MAML3: variants seen among roughly 807,000 people sequenced by gnomAD.
MAML3 encodes the protein mastermind like transcriptional coactivator 3.
MAML3 carries 27 observed loss-of-function variants against 101.9 expected under a neutral mutation model. The observed-to-expected ratio is 0.27, with a 90% CI of 0.20 to 0.37. The LOEUF is 0.37. MAML3 is among the 10% of genes least tolerant of loss of function. The pLI, the probability that MAML3 is intolerant of heterozygous loss-of-function variation, is 1.00. For missense variants in MAML3, 1,316 were observed against 1,444.9 expected (o/e 0.91, Z 1.45); for synonymous variants, 501 against 555.9 (o/e 0.90, Z 1.39).
At chr4:139,774,665 G>A (rs1034607265) in intron 2 of MAML3, among the ~76,000 whole-genome samples, 2 of 152,066 alleles carry the variant, frequency 1.3e-5, no homozygotes, top group Non-Finnish European at 2.9e-5. Context: ...ATTGACGGAG[G>A]GGAGGATGGC....
At chr4:140,119,652 C>T (rs1418321537) in intron 1 of MAML3, among the ~76,000 whole-genome samples, 1 of 102,662 alleles carries the variant, frequency 9.7e-6, no homozygotes, top group Non-Finnish European at 1.8e-5. Flanking sequence ...TGAGGTCTTG[C>T]TCTTTCACCC....
intron 2 of MAML3, among the ~76,000 whole-genome samples, chr4:139,840,488 C>G (rs1731341848): frequency 6.6e-6 from 1 of 152,196 alleles, no homozygotes; most frequent in South Asian, 2.1e-4. Flanking sequence ...ATCACCCAGA[C>G]AGAAGCCCCG....
Position 140,153,485 on chromosome 4 carries a change from G to C in MAML3, c.-158C>G. 6.2e-6 allele frequency: 5 copies of C among 811,000 alleles called. No homozygotes were observed. Among genetic ancestry groups the C allele is most frequent in the Non-Finnish European group, 8.9e-6 (5 of 560,854 alleles). The allele number at this position is 811,000 out of a possible 1,614,324, so 50.2% of individuals were successfully genotyped here. A position where few individuals can be genotyped will look rare whatever the true frequency, so the allele number is the denominator to read the frequency against. On this transcript the variant is annotated 5_prime_UTR_variant, in exon 1 of 5. Coordinates refer to ENST00000509479, the MANE Select transcript of MAML3 (RefSeq NM_018717.5). ...GATCCCGACGGGGCGAAAAAAACGG[G>C]GGGGGAGATTTTGGGGTGGTTTTTG...
intron 1 of MAML3, among the ~76,000 whole-genome samples, chr4:140,056,191 G>C (rs1727345693): frequency 6.6e-6 from 1 of 152,082 alleles, no homozygotes; most frequent in Non-Finnish European, 1.5e-5. Flanking sequence ...TGCTGCAGGG[G>C]GAATTCCCTT....
At chr4:140,148,054 T>C (rs1252742653) in intron 1 of MAML3, among the ~76,000 whole-genome samples, 2 of 152,200 alleles carry the variant, frequency 1.3e-5, no homozygotes, top group African/African-American at 4.8e-5. Context: ...AATAACTCCA[T>C]ATAACTCTAT....
At chr4:140,139,130 G>A (rs183632199) in intron 1 of MAML3, among the ~76,000 whole-genome samples, 156 of 152,048 alleles carry the variant, frequency 1.0e-3, no homozygotes, top group African/African-American at 3.7e-3. Context: ...AAAATTAGCC[G>A]GGCATGGTGG....
At chr4:139,815,230 G>C (rs935306620) in intron 2 of MAML3, among the ~76,000 whole-genome samples, 1 of 152,186 alleles carries the variant, frequency 6.6e-6, no homozygotes, top group African/African-American at 2.4e-5. Flanking sequence ...TCAGGAATAA[G>C]GGAAGGTAAG....
intron 1 of MAML3, among the ~76,000 whole-genome samples, chr4:140,083,360 A>C (rs1227343088): frequency 6.6e-6 from 1 of 152,244 alleles, no homozygotes; most frequent in African/African-American, 2.4e-5. Flanking sequence ...GCTGCTCTGC[A>C]AATGATTTCT....
chr4:139,949,165 G>A (rs1056257211), intron 1 of MAML3, among the ~76,000 whole-genome samples: 3 of 152,028 alleles, frequency 2.0e-5, no homozygotes, highest in East Asian at 1.9e-4. Flanking sequence ...ACAGGCACGC[G>A]GCACGACACC....
chr4:139,986,799 T>C lies in MAML3; in HGVS notation c.469-95832A>G, dbSNP rs995119736. 3.3e-5 allele frequency among the ~76,000 whole-genome samples: 5 copies of C among 152,096 alleles called. No homozygotes were observed. The East Asian group carries it at 9.6e-4, about 29-fold the overall frequency. ...CGCAGGAAACACAGTAAATACACAG[T>C]AAATTGTACACACAAAGCAGCCATC... On this transcript the variant is annotated intron_variant, in intron 1 of 4. Coordinates refer to ENST00000509479, the MANE Select transcript of MAML3 (RefSeq NM_018717.5).
At position 139,719,373 on chromosome 4, in the gene MAML3, G is replaced by A. The variant is rs61743025; in HGVS notation, c.3367C>T (p.Pro1123Ser). 3.5e-3 allele frequency: 5,590 copies of A among 1,611,470 alleles called. 14 individuals carry two copies. The highest frequency in any genetic ancestry group is 4.3e-3 in the Non-Finnish European group (5,060 of 1,178,268). The change falls in exon 5 of 5, where the codon CCA becomes TCA. Residue 1123 changes from proline (P) to serine (S), a missense_variant. Physicochemically the swap from Pro to Ser is moderately conservative, Grantham distance 74. Transcript: ENST00000509479. ...DLVDSIIKGG[P>S]GDEWMQELDE... ...AGCTCCTGCATCCACTCGTCCCCTG[G>A]CCCGCCTTTGATGATGGAGTCCACA...
At chr4:139,966,683 A>G (rs1734136775) in intron 1 of MAML3, among the ~76,000 whole-genome samples, 1 of 152,240 alleles carries the variant, frequency 6.6e-6, no homozygotes. Context: ...GTGATCAGTT[A>G]CAGAGCAAAA....
intron 1 of MAML3, among the ~76,000 whole-genome samples, chr4:140,076,172 A>G (rs1377398545): frequency 6.6e-6 from 1 of 151,346 alleles, no homozygotes. Context: ...TGGCCCATTT[A>G]TATATATATA....
chr4:139,987,937 G>C (rs1418253706), intron 1 of MAML3, among the ~76,000 whole-genome samples: 1 of 137,740 alleles, frequency 7.3e-6, no homozygotes, highest in South Asian at 2.3e-4. Context: ...CAGGAGAATC[G>C]CTTGAACTCA....
chr4:140,000,055 A>G (rs754763118), intron 1 of MAML3, among the ~76,000 whole-genome samples: 33 of 152,214 alleles, frequency 2.2e-4, no homozygotes, highest in African/African-American at 4.8e-4. Flanking sequence ...AAAACATCCA[A>G]TTATAACTAA....
intron 2 of MAML3, chr4:139,740,203 CTG>C (rs1284201663): frequency 6.6e-6 from 1 of 152,280 alleles, no homozygotes; most frequent in Non-Finnish European, 1.5e-5. Context: ...TGGCTTTTCT[CTG>C]TCTTAGGCTT....
rs752238688 is a variant in MAML3, at chr4:139,719,987, C to T, written c.2753G>A (p.Ser918Asn). The change falls in exon 5 of 5, where the codon AGC becomes AAC. Residue 918 changes from serine to asparagine, a missense_variant. Transcript: ENST00000509479. ...GVGMVSGFGQ[S>N]MLVNSAITQQ... ...GGTAATGGCTGAGTTCACCAGCATG[C>T]TCTGACCAAAGCCACTCACCATTCC... 20 of 1,613,968 alleles carry T rather than the reference C, an allele frequency of 1.2e-5. No individual in the cohort carries two copies. Among genetic ancestry groups the T allele is most frequent in the Non-Finnish European group, 1.5e-5 (18 of 1,179,914 alleles).
At chr4:140,091,205 C>T (rs1434075137) in intron 1 of MAML3, among the ~76,000 whole-genome samples, 1 of 152,144 alleles carries the variant, frequency 6.6e-6, no homozygotes, top group East Asian at 1.9e-4. Flanking sequence ...CACTATTTTA[C>T]ACAATCAGGT....
At position 139,723,327 on chromosome 4, in the gene MAML3, T is replaced by G. The variant is rs1490020086; in HGVS notation, c.2416+2424A>C. ...TCTGGTTTTTTTTGTTTCTTTTTTC[T>G]GGGACACAGTTTTGCTCTTGTTGCC... is the stretch of plus-strand genomic sequence containing the variant. On this transcript the variant is annotated intron_variant, in intron 4 of 4. Coordinates refer to ENST00000509479, the MANE Select transcript of MAML3 (RefSeq NM_018717.5). 2.6e-5 allele frequency among the ~76,000 whole-genome samples: 4 copies of G among 152,212 alleles called. No homozygotes were observed. The East Asian group carries it at 7.7e-4, about 29-fold the overall frequency.
Sources: gnomAD v4.1 joint callset for allele counts (sites outside exome capture counted in the v4.1 genomes callset) on GRCh38, gnomAD v4.1.1 for gene constraint, MANE v1.5 for transcripts, NCBI Gene and HGNC (gene_info 2026-07-23, HGNC 2026-07-21) for gene names.